Variants in ARRDC2 observed in about 807,000 individuals in gnomAD.
ARRDC2 encodes the protein arrestin domain-containing protein 2.
In ARRDC2, 39 loss-of-function variants were observed where a neutral mutation model predicts 38.9. That is an observed-to-expected ratio of 1.00 (90% CI 0.78 to 1.31). The LOEUF (loss-of-function observed/expected upper bound fraction) is 1.31. Among genes scored for constraint, ARRDC2 ranks in the 50% most tolerant of loss-of-function variants. ARRDC2 has a pLI of 0.00. For synonymous variants in ARRDC2, 300 were observed against 261.9 expected, an observed-to-expected ratio of 1.15 and a Z score of -1.41; for missense variants, 553 against 588.4, an observed-to-expected ratio of 0.94 and a Z score of 0.62.
chr19:18,010,603 C>T lies in ARRDC2; in HGVS notation c.1044C>T (p.Asp348=), dbSNP rs752003289. 1 of 1,613,894 alleles carries T rather than the reference C, an allele frequency of 6.2e-7. No individual in the cohort carries two copies. The highest frequency in any genetic ancestry group is 8.5e-7 in the Non-Finnish European group (1 of 1,180,022). The change falls in exon 7 of 8, where the codon GAC becomes GAT. Residue 348 remains aspartate, a synonymous_variant. Coordinates refer to ENST00000222250, the MANE Select transcript of ARRDC2 (RefSeq NM_015683.2). ...CTGAGTACTCGGAGGTGGTAGCCGACACTGAGGAGGCAGCCTTGGGGCAGA... is the reference window on the plus strand; with the variant it reads ...CTGAGTACTCGGAGGTGGTAGCCGATACTGAGGAGGCAGCCTTGGGGCAGA... ...APPEYSEVVA[D]TEEAALGQSP... is the part of the protein sequence containing the mutation.
rs1480287144 is a variant in ARRDC2 at position 18,008,436 on chromosome 19, G to T, written c.126G>T (p.Ala42=). ...GRVLLELSSA[A]RVGALRLRAR... ...TGCTGCTGGAGCTGTCAAGCGCCGC[G>T]CGTGTGGGTGCCCTGAGGCTGCGCG... The change falls in exon 1 of 8, where the codon GCG becomes GCT. Residue 42 remains alanine (A), a synonymous_variant. Coordinates refer to ENST00000222250, the MANE Select transcript of ARRDC2 (RefSeq NM_015683.2). 1.9e-6 allele frequency: 3 copies of T among 1,582,728 alleles called. No individual in the cohort carries two copies. Among genetic ancestry groups the T allele is most frequent in the Non-Finnish European group, 2.6e-6 (3 of 1,172,244 alleles).
chr19:18,010,858 A>T, intron 7 of ARRDC2, 129 bp downstream of exon 7: 1 of 1,027,358 alleles, frequency 9.7e-7, no homozygotes. Flanking sequence ...TCTGTCACCC[A>T]GGCTGGAGTG....
At chr19:18,008,930 C>T (rs777227232) in intron 2 of ARRDC2, 41 bp from the exon 3 acceptor site, 18 of 1,609,726 alleles carry the variant, frequency 1.1e-5, no homozygotes, top group Non-Finnish European at 1.5e-5. Flanking sequence ...GCCTGCTTGT[C>T]TCTGTATCTT....
At chr19:18,002,168 C>T (rs1050369068) in intron 1 of ARRDC2, among the ~76,000 whole-genome samples, 2 of 152,210 alleles carry the variant, frequency 1.3e-5, no homozygotes, top group South Asian at 2.1e-4. Context: ...GCCCCCAACT[C>T]GTGTTACCCA....
Position 18,009,951 on chromosome 19 carries a change from C to T in ARRDC2, c.761C>T (p.Ala254Val), listed in dbSNP as rs8111135. ...AGEPVGPGQRALWQGRALRIP... is the reference protein window; with the variant it reads ...AGEPVGPGQRVLWQGRALRIP... Reference sequence around the variant, plus strand: ...GAGCCGGTGGGCCCCGGGCAGCGGGCGCTGTGGCAGGGCCGGGCACTGCGG... The same window carrying T: ...GAGCCGGTGGGCCCCGGGCAGCGGGTGCTGTGGCAGGGCCGGGCACTGCGG... The change falls in exon 5 of 8, where the codon GCG becomes GTG. Residue 254 changes from alanine (A) to valine (V), a missense_variant. This residue lies in a region of ARRDC2 where 447 missense variants were observed against 456.6 expected (regional missense o/e 0.98). Coordinates refer to ENST00000222250, the MANE Select transcript of ARRDC2 (RefSeq NM_015683.2). The T allele has an allele frequency of 4.6e-3, 7,430 of 1,604,828 alleles. 251 individuals are homozygous for T. The African/African-American group carries it at 0.079, about 17-fold the overall frequency.
At chr19:18,004,713 AT>A (rs899493222), upstream of ARRDC2, among the ~76,000 whole-genome samples, 15 of 150,412 alleles carry the variant, frequency 1.0e-4, no homozygotes, top group Non-Finnish European at 1.9e-4. Flanking sequence ...AAAAATTAAA[AT>A]TTTGGCTGGG....
chr19:18,009,121 G>T lies in ARRDC2; in HGVS notation c.489+3G>T. 1.9e-6 allele frequency: 3 copies of T among 1,613,372 alleles called. No individual in the cohort carries two copies. Among genetic ancestry groups the T allele is most frequent in the South Asian group, 2.2e-5 (2 of 91,074 alleles). ...ACATCAACACGCCAGCCCTGCTGGT[G>T]AGTGGCCACCCTTGGGGAGGTAGGT... is the stretch of plus-strand genomic sequence containing the variant. On this transcript the variant is annotated splice_donor_region_variant and intron_variant, in intron 3 of 7. Coordinates refer to ENST00000222250, the MANE Select transcript of ARRDC2 (RefSeq NM_015683.2).
At chr19:18,005,846 C>T (rs2033264239), upstream of ARRDC2, among the ~76,000 whole-genome samples, 1 of 150,426 alleles carries the variant, frequency 6.6e-6, no homozygotes, top group Admixed American at 6.6e-5. Flanking sequence ...GGCAGCCGGG[C>T]GGAGGGGCTC....
At chr19:18,008,116 A>AGGGGGCCCCCC, upstream of ARRDC2, 1 of 522,500 alleles carries the variant, frequency 1.9e-6, no homozygotes. Flanking sequence ...AGAGACGGTG[A>AGGGGGCCCCCC]CCCCACCCCC....
rs2033372675 is a variant in ARRDC2 at position 18,009,906 on chromosome 19, T to G, written c.716T>G (p.Val239Gly). Residue 239 changes from valine (V) to glycine (G), a missense_variant, in exon 5 of 8, where the codon GTG (valine) becomes GGG (glycine). Val to Gly is a moderately radical substitution (Grantham distance 109). This residue lies in a region of ARRDC2 where 447 missense variants were observed against 456.6 expected (regional missense o/e 0.98). Coordinates refer to ENST00000222250, the MANE Select transcript of ARRDC2 (RefSeq NM_015683.2). Reference protein sequence around the residue: ...ARGARKQKRAVVASLAGEPVG... With the variant: ...ARGARKQKRAGVASLAGEPVG... ...GGCGCCCGAAAGCAGAAACGGGCAG[T>G]GGTGGCCAGCCTCGCGGGCGAGCCG... The G allele has an allele frequency of 6.2e-7, 1 of 1,608,740 alleles. No homozygotes were observed. The highest frequency in any genetic ancestry group is 1.3e-5 in the African/African-American group (1 of 74,906).
chr19:18,010,873 G>A, intron 7 of ARRDC2, 144 bp downstream of exon 7: 1 of 913,478 alleles, frequency 1.1e-6, no homozygotes, highest in Non-Finnish European at 1.6e-6. Flanking sequence ...GGAGTGCAGT[G>A]GCATAATCAT....
intron 1 of ARRDC2, chr19:18,001,655 T>C (rs906585839): frequency 7.4e-5 from 91 of 1,237,560 alleles, no homozygotes; most frequent in Non-Finnish European, 9.0e-5. Context: ...GCCTCTCAAC[T>C]TAGAACCTAT....
chr19:18,001,708 CG>C, intron 1 of ARRDC2: 1 of 1,074,156 alleles, frequency 9.3e-7, no homozygotes, highest in Non-Finnish European at 1.2e-6. Flanking sequence ...ACCCCCTTCC[CG>C]GGGTCCTGAC....
upstream of ARRDC2, among the ~76,000 whole-genome samples, chr19:18,005,386 A>T (rs1407090567): frequency 2.0e-5 from 3 of 152,022 alleles, no homozygotes; most frequent in Admixed American, 1.3e-4. Flanking sequence ...TCCCATGTCT[A>T]CCTCTTTCTA....
At chr19:18,011,952 A>ATATAT (rs1408676551) in intron 7 of ARRDC2, among the ~76,000 whole-genome samples, 27 of 100,754 alleles carry the variant, frequency 2.7e-4, no homozygotes, top group African/African-American at 6.0e-4. Context: ...ATATATATAT[A>ATATAT]TTTTTTTTTT....
Position 18,008,217 on chromosome 19 carries a change from T to G in ARRDC2, c.-94T>G. 1 of 1,525,814 alleles carries G rather than the reference T, an allele frequency of 6.6e-7. No homozygotes were observed. Among genetic ancestry groups the G allele is most frequent in the Non-Finnish European group, 8.7e-7 (1 of 1,150,944 alleles). The allele number at this position is 1,525,814 out of a possible 1,614,324, so 94.5% of individuals were successfully genotyped here. On this transcript the variant is annotated 5_prime_UTR_variant, in exon 1 of 8. Transcript: ENST00000222250. ...GCGCGCCTGCGCGTTGACGGCGATTTTGCGTTCTGAGGCTGCAGCGTCGGC... is the reference window on the plus strand; with the variant it reads ...GCGCGCCTGCGCGTTGACGGCGATTGTGCGTTCTGAGGCTGCAGCGTCGGC...
chr19:18,006,451 C>T (rs1250937970), upstream of ARRDC2, among the ~76,000 whole-genome samples: 1 of 152,196 alleles, frequency 6.6e-6, no homozygotes, highest in Non-Finnish European at 1.5e-5. Context: ...ACAGCGAAAC[C>T]CCTTCTCCAC....
chr19:18,002,590 C>A (rs1403743936), intron 1 of ARRDC2, among the ~76,000 whole-genome samples: 3 of 152,180 alleles, frequency 2.0e-5, no homozygotes, highest in Non-Finnish European at 4.4e-5. Context: ...GACAGCCCCA[C>A]TTTTTTCCCA....
Position 18,008,489 on chromosome 19 carries a change from CCGAGTCGCGCAGCGCGGGCT to C in ARRDC2, c.184_203del (p.Ser62HisfsTer9), listed in dbSNP as rs1325294687. ...CGGGGCCGCGCCCACGTGCACTGGACCGAGTCGCGCAGCGCGGGCTCGAGCACGGCTTACACGCAGAGCTA... is the reference window on the plus strand; with the variant it reads ...CGGGGCCGCGCCCACGTGCACTGGACCGAGCACGGCTTACACGCAGAGCTA... On this transcript the variant is annotated frameshift_variant, in exon 1 of 8. Coordinates refer to ENST00000222250, the MANE Select transcript of ARRDC2 (RefSeq NM_015683.2). LOFTEE classifies it high-confidence loss of function. The C allele has an allele frequency of 2.0e-6, 3 of 1,528,960 alleles. No homozygotes were observed. In the South Asian group the frequency reaches 3.6e-5, roughly 18 times the overall value. The allele number at this position is 1,528,960 out of a possible 1,614,324, so 94.7% of individuals were successfully genotyped here.
Sources: allele counts gnomAD v4.1 joint callset (sites outside exome capture counted in the v4.1 genomes callset), GRCh38; gene constraint gnomAD v4.1.1; regional missense constraint gnomAD v4.1.1; transcripts MANE v1.5; gene names NCBI Gene and HGNC (gene_info 2026-07-23, HGNC 2026-07-21).